Variants in SNTG1 observed in about 807,000 individuals in gnomAD.
SNTG1 encodes the protein syntrophin gamma 1.
A neutral mutation model predicts 74.7 loss-of-function variants in SNTG1; 39 were observed. The ratio of observed to expected loss-of-function variants is 0.52; its 90% CI spans 0.40 to 0.68. The LOEUF (loss-of-function observed/expected upper bound fraction) is 0.68, where lower values mean the gene tolerates loss of function less well. Among genes scored for constraint, SNTG1 ranks in the 30% least tolerant of loss-of-function variants. SNTG1 has a pLI of 0.00. For missense variants in SNTG1, 685 were observed against 609.5 expected, an observed-to-expected ratio of 1.12 and a Z score of -1.30; for synonymous variants, 254 against 217.1, an observed-to-expected ratio of 1.17 and a Z score of -1.49.
intron 2 of SNTG1, among the ~76,000 whole-genome samples, chr8:50,209,775 C>T (rs963347487): frequency 3.9e-5 from 6 of 152,188 alleles, no homozygotes; most frequent in African/African-American, 1.4e-4. Flanking sequence ...GGGGAGAAAC[C>T]AGAGCAGAGA....
At chr8:50,433,116 T>C (rs1316578108) in intron 4 of SNTG1, among the ~76,000 whole-genome samples, 1 of 152,208 alleles carries the variant, frequency 6.6e-6, no homozygotes, top group Non-Finnish European at 1.5e-5. Flanking sequence ...TTAGTATGTG[T>C]TATTTTAAAT....
intron 2 of SNTG1, among the ~76,000 whole-genome samples, chr8:50,282,721 G>A (rs972404587): frequency 7.2e-5 from 11 of 152,104 alleles, no homozygotes; most frequent in Admixed American, 3.9e-4. Flanking sequence ...AGCTGAGATC[G>A]TGCCACTGCA....
intron 2 of SNTG1, among the ~76,000 whole-genome samples, chr8:50,329,383 C>A (rs1306525059): frequency 1.3e-5 from 2 of 152,184 alleles, no homozygotes; most frequent in Admixed American, 1.3e-4. Flanking sequence ...TCCACCCCTG[C>A]AGCAGACTTC....
intron 18 of SNTG1, among the ~76,000 whole-genome samples, chr8:50,756,302 G>A (rs766367707): frequency 6.6e-6 from 1 of 151,828 alleles, no homozygotes; most frequent in Non-Finnish European, 1.5e-5. Context: ...CATGCCTTTG[G>A]CATAGAATCT....
At chr8:50,130,126 T>A (rs369430856) in intron 1 of SNTG1, among the ~76,000 whole-genome samples, 1 of 152,186 alleles carries the variant, frequency 6.6e-6, no homozygotes, top group Admixed American at 6.6e-5. Context: ...CTGAGGAGAA[T>A]TATTAGATTG....
At chr8:50,329,788 G>C (rs1408429437) in intron 2 of SNTG1, among the ~76,000 whole-genome samples, 2 of 152,066 alleles carry the variant, frequency 1.3e-5, no homozygotes, top group Non-Finnish European at 2.9e-5. Flanking sequence ...AATTTCTGCA[G>C]CTGGCTTGAA....
chr8:50,178,779 T>A (rs1232270059), intron 2 of SNTG1, among the ~76,000 whole-genome samples: 1 of 152,180 alleles, frequency 6.6e-6, no homozygotes, highest in Non-Finnish European at 1.5e-5. Flanking sequence ...CTCCCTGATG[T>A]TATCTCTGTG....
intron 2 of SNTG1, 111 bp from the exon 3 acceptor site, chr8:50,394,100 TG>T: frequency 1.4e-6 from 1 of 732,662 alleles, no homozygotes; most frequent in Non-Finnish European, 2.2e-6. Flanking sequence ...TACAAGTGGT[TG>T]TAAACACAGT....
chr8:50,325,362 T>C (rs2090702849), intron 2 of SNTG1, among the ~76,000 whole-genome samples: 1 of 151,984 alleles, frequency 6.6e-6, no homozygotes, highest in Non-Finnish European at 1.5e-5. Flanking sequence ...AAACAATACT[T>C]TATTAATTTA....
intron 1 of SNTG1, among the ~76,000 whole-genome samples, chr8:49,949,755 C>T (rs1012989879): frequency 1.3e-5 from 2 of 152,268 alleles, no homozygotes; most frequent in Non-Finnish European, 1.5e-5. Flanking sequence ...TGTTAACCCA[C>T]GTTTGGCTTC....
At position 50,209,233 on chromosome 8, in the gene SNTG1, C is replaced by G. The variant is rs760961708; in HGVS notation, c.-28+36598C>G. Among the ~76,000 whole-genome samples, 10 of 152,252 alleles carry G rather than the reference C, an allele frequency of 6.6e-5. 1 individual carries two copies. The highest frequency in any genetic ancestry group is 1.4e-4 in the African/African-American group (6 of 41,546). ...AAACAAAGTGGCCAGGAAGTTCGAACTGGATGGAGCCCACTGCAGCTCAAG... is the reference window on the plus strand; with the variant it reads ...AAACAAAGTGGCCAGGAAGTTCGAAGTGGATGGAGCCCACTGCAGCTCAAG... On this transcript the variant is annotated intron_variant, in intron 2 of 18. Coordinates refer to ENST00000642720, the MANE Select transcript of SNTG1 (RefSeq NM_018967.5).
chr8:50,224,245 T>G (rs577662794), intron 2 of SNTG1, among the ~76,000 whole-genome samples: 119 of 152,340 alleles, frequency 7.8e-4, no homozygotes, highest in African/African-American at 2.7e-3. Context: ...CTGCTTACAT[T>G]GTTTTAAATA....
intron 2 of SNTG1, among the ~76,000 whole-genome samples, chr8:50,264,238 G>T (rs1284601731): frequency 2.6e-5 from 4 of 151,966 alleles, no homozygotes; most frequent in Admixed American, 2.6e-4. Context: ...AAAAGCAGAA[G>T]AATCTCAAAT....
At chr8:50,387,347 G>C (rs962146327) in intron 2 of SNTG1, among the ~76,000 whole-genome samples, 4 of 152,134 alleles carry the variant, frequency 2.6e-5, no homozygotes, top group African/African-American at 9.7e-5. Context: ...CAAGTCGAAA[G>C]GTGCATTCTC....
intron 16 of SNTG1, among the ~76,000 whole-genome samples, chr8:50,706,291 A>C (rs1003050135): frequency 2.0e-5 from 3 of 152,208 alleles, no homozygotes; most frequent in Non-Finnish European, 2.9e-5. Context: ...AATGGAAACA[A>C]AACTATATTA....
intron 1 of SNTG1, among the ~76,000 whole-genome samples, chr8:50,150,562 C>T (rs1172912362): frequency 3.9e-5 from 6 of 152,092 alleles, no homozygotes; most frequent in Middle Eastern, 3.2e-3. Flanking sequence ...TTTTGAGATA[C>T]GTCCCATTAA....
intron 18 of SNTG1, among the ~76,000 whole-genome samples, chr8:50,783,502 A>T (rs1399156423): frequency 2.0e-5 from 3 of 152,230 alleles, no homozygotes; most frequent in Non-Finnish European, 4.4e-5. Flanking sequence ...CCTCCGAGCC[A>T]TGTGCAGGAT....
intron 18 of SNTG1, among the ~76,000 whole-genome samples, chr8:50,784,376 A>G (rs908106091): frequency 1.3e-5 from 2 of 152,194 alleles, no homozygotes. Flanking sequence ...AATAATGAAA[A>G]AAGAACCCGA....
At chr8:50,470,207 A>G (rs1344770206) in intron 8 of SNTG1, among the ~76,000 whole-genome samples, 1 of 152,210 alleles carries the variant, frequency 6.6e-6, no homozygotes, top group East Asian at 1.9e-4. Context: ...CAAAGCAACA[A>G]AGTTTAGCCG....
Sources: gnomAD v4.1 joint callset for allele counts (sites outside exome capture counted in the v4.1 genomes callset) on GRCh38, gnomAD v4.1.1 for gene constraint, MANE v1.5 for transcripts, NCBI Gene and HGNC (gene_info 2026-07-23, HGNC 2026-07-21) for gene names.